Variants in CTC1 observed in about 807,000 individuals in gnomAD.
CTC1 encodes the protein CST telomere replication complex component 1.
Under a neutral mutation model 136.3 loss-of-function variants are expected in CTC1, and 91 were observed. The ratio of observed to expected loss-of-function variants is 0.67; its 90% CI spans 0.56 to 0.79. The LOEUF is 0.79. CTC1 is among the 30% of genes least tolerant of loss of function. CTC1 has a pLI of 0.00. For missense variants in CTC1, 1,432 were observed against 1,498.1 expected (o/e 0.96, Z 0.73); for synonymous variants, 606 against 613.8 (o/e 0.99, Z 0.19).
At chr17:8,230,168 G>C (rs1987090000) in intron 17 of CTC1, 126 bp downstream of exon 17, 1 of 1,075,664 alleles carries the variant, frequency 9.3e-7, no homozygotes. Context: ...GGGCACAAAT[G>C]GCAGACTGAT....
Position 8,234,765 on chromosome 17 carries a change from T to C in CTC1, c.1601A>G (p.His534Arg). The change falls in exon 9 of 23, where the codon CAC becomes CGC. Residue 534 changes from histidine to arginine, a missense_variant. His to Arg is a conservative substitution (Grantham distance 29). Coordinates refer to ENST00000651323, the MANE Select transcript of CTC1 (RefSeq NM_025099.6). The stretch of plus-strand genomic sequence containing the variant: ...TCCTCATACTTTCTGGAGGGGACAG[T>C]GATGTGGCTCTTCAAGGATCTCATT... ...AHNEILEEPH[H>R]CPLQKYTRLQ... is the part of the protein sequence containing the mutation. 6.3e-7 allele frequency: 1 copy of C among 1,597,762 alleles called. No homozygotes were observed. The highest frequency in any genetic ancestry group is 8.5e-7 in the Non-Finnish European group (1 of 1,171,112).
At position 8,229,202 on chromosome 17, in the gene CTC1, T is replaced by C. The variant is rs763333589; in HGVS notation, c.3161A>G (p.Lys1054Arg). 1 of 1,614,202 alleles carries C rather than the reference T, an allele frequency of 6.2e-7. No homozygotes were observed. The highest frequency in any genetic ancestry group is 1.1e-5 in the South Asian group (1 of 91,070). ...GCAAGTGGAGCCCAGGCGAGTGCAC[T>C]TTCCCTGGGATGAAGACAGTGGTTG... ...AYCTSICRQGKCTRLGSTCPT... is the reference protein window; with the variant it reads ...AYCTSICRQGRCTRLGSTCPT... Residue 1054 changes from lysine (K) to arginine (R), a missense_variant, in exon 20 of 23, where the codon AAG becomes AGG. Transcript: ENST00000651323.
At chr17:8,230,218 A>C (rs925329630) in intron 17 of CTC1, 76 bp downstream of exon 17, 4 of 1,451,582 alleles carry the variant, frequency 2.8e-6, no homozygotes, top group Non-Finnish European at 3.8e-6. Flanking sequence ...TCGCTGCAGC[A>C]AAGTTAAGCA....
chr17:8,230,797 G>A, intron 15 of CTC1, 146 bp from the exon 16 acceptor site: 4 of 669,022 alleles, frequency 6.0e-6, no homozygotes, highest in Non-Finnish European at 1.1e-5. Flanking sequence ...CTGCCACACT[G>A]CACACTAAGA....
At position 8,235,059 on chromosome 17, in the gene CTC1, G is replaced by A. The variant is rs1987586523; in HGVS notation, c.1433C>T (p.Ala478Val). The A allele has an allele frequency of 6.2e-7, 1 of 1,613,806 alleles. No homozygotes were observed. Among genetic ancestry groups the A allele is most frequent in the Non-Finnish European group, 8.5e-7 (1 of 1,179,902 alleles). Residue 478 changes from alanine to valine, a missense_variant, in exon 8 of 23, where the codon GCC becomes GTC. By Grantham distance (64) the Ala-to-Val change is moderately conservative. Transcript: ENST00000651323. ...LWATKALEEL[A>V]CKLCPHVLRH... ...GGGCCCTCAGCCTCCTCACTTGCAG[G>A]CCAGCTCCTCCAGGGCCTTGGTAGC...
rs763836924 is a variant in CTC1 at position 8,226,266 on chromosome 17, C to G, written c.*1914G>C. 1.3e-5 allele frequency: 2 copies of G among 152,288 alleles called. No individual in the cohort carries two copies. Among genetic ancestry groups the G allele is most frequent in the Non-Finnish European group, 2.9e-5 (2 of 68,036 alleles). The allele number at this position is 152,288 out of a possible 1,614,324, so 9.4% of individuals were successfully genotyped here. A position where few individuals can be genotyped will look rare whatever the true frequency, so the allele number is the denominator to read the frequency against. On this transcript the variant is annotated 3_prime_UTR_variant, in exon 23 of 23. Transcript: ENST00000651323. ...CGCTGGGATTCGAACCCAGGATCTCCTGTTTACTAGACAGGCGCTTTAACC... is the reference window on the plus strand; with the variant it reads ...CGCTGGGATTCGAACCCAGGATCTCGTGTTTACTAGACAGGCGCTTTAACC...
intron 17 of CTC1, 140 bp from the exon 18 acceptor site, chr17:8,230,108 G>A: frequency 1.0e-6 from 1 of 987,832 alleles, no homozygotes; most frequent in Non-Finnish European, 1.5e-6. Context: ...CAAAGCTAGG[G>A]GAAGACTAGG....
intron 2 of CTC1, 86 bp downstream of exon 2, chr17:8,242,899 C>T (rs1462035396): frequency 7.6e-7 from 1 of 1,315,238 alleles, no homozygotes; most frequent in Admixed American, 2.5e-5. Context: ...CTCACTTGCC[C>T]TTTTTCTAAT....
Position 8,238,569 on chromosome 17 carries a change from C to A in CTC1, c.258G>T (p.Ser86=), listed in dbSNP as rs369789111. The A allele has an allele frequency of 3.7e-6, 6 of 1,613,984 alleles. No individual in the cohort carries two copies. Among genetic ancestry groups the A allele is most frequent in the Non-Finnish European group, 4.2e-6 (5 of 1,179,930 alleles). Residue 86 remains serine (S), a synonymous_variant, in exon 3 of 23, where the codon TCG becomes TCT. Transcript: ENST00000651323. ...AGGCCTGGTATGCACTACTGCTCCACGACAGGTGGCTGCAGCATGGGAGAC... is the reference window on the plus strand; with the variant it reads ...AGGCCTGGTATGCACTACTGCTCCAAGACAGGTGGCTGCAGCATGGGAGAC... ...HQRLPCCSHL[S]WSSSAYQAWA...
intron 2 of CTC1, among the ~76,000 whole-genome samples, chr17:8,239,405 G>C (rs1370631076): frequency 1.3e-5 from 2 of 152,278 alleles, no homozygotes; most frequent in African/African-American, 4.8e-5. Flanking sequence ...TAGAGACTAG[G>C]GGGGAAGCTG....
At chr17:8,235,790 T>C in intron 7 of CTC1, 41 bp downstream of exon 7, 1 of 1,551,038 alleles carries the variant, frequency 6.4e-7, no homozygotes, top group Non-Finnish European at 8.7e-7. Flanking sequence ...TAAGAGAAGC[T>C]GCAGAGGTCT....
At chr17:8,231,057 T>G in intron 15 of CTC1, 1 of 504,834 alleles carries the variant, frequency 2.0e-6, no homozygotes, top group African/African-American at 1.9e-5. Flanking sequence ...AGGATAATCC[T>G]TCGAACCAGG....
intron 1 of CTC1, among the ~76,000 whole-genome samples, chr17:8,246,457 T>C (rs1159500202): frequency 6.6e-6 from 1 of 152,166 alleles, no homozygotes; most frequent in Non-Finnish European, 1.5e-5. Context: ...AACACTGAAC[T>C]TTCCACAAAA....
Position 8,234,886 on chromosome 17 carries a change from G to A in CTC1, c.1480C>T (p.His494Tyr), listed in dbSNP as rs759036446. ...HVLRHHQFLQ[H>Y]SSPGSPSLGL... is the part of the protein sequence containing the mutation. ...AGGCTGGGGCTCCCAGGAGAGGAATGTTGCAGGAACTGGTGGTGTCTCAGC... is the reference window on the plus strand; with the variant it reads ...AGGCTGGGGCTCCCAGGAGAGGAATATTGCAGGAACTGGTGGTGTCTCAGC... Residue 494 changes from histidine (H) to tyrosine (Y), a missense_variant, in exon 9 of 23, where the codon CAT becomes TAT. His to Tyr is a moderately conservative substitution (Grantham distance 83). Coordinates refer to ENST00000651323, the MANE Select transcript of CTC1 (RefSeq NM_025099.6). 1.2e-6 allele frequency: 2 copies of A among 1,610,626 alleles called. No homozygotes were observed. Among genetic ancestry groups the A allele is most frequent in the Admixed American group, 3.4e-5 (2 of 59,532 alleles).
Position 8,238,075 on chromosome 17 carries a change from G to A in CTC1, c.603C>T (p.Ile201=). The part of the protein sequence containing the change: ...LTISPGPVTP[I]PVLYPESASC... The stretch of plus-strand genomic sequence containing the variant: ...AAGCACTCTCTGGGTAGAGGACAGG[G>A]ATAGGCGTGACGGGGCCAGGACTGA... Residue 201 remains isoleucine, a synonymous_variant, in exon 4 of 23, where the codon ATC becomes ATT. Coordinates refer to ENST00000651323, the MANE Select transcript of CTC1 (RefSeq NM_025099.6). 3.7e-6 allele frequency: 6 copies of A among 1,614,164 alleles called. No homozygotes were observed. Among genetic ancestry groups the A allele is most frequent in the Non-Finnish European group, 5.1e-6 (6 of 1,180,028 alleles).
In CTC1 at chr17:8,226,221, T is replaced by C. The variant is rs891660367; in HGVS notation, c.*1959A>G. 2.2e-4 allele frequency: 33 copies of C among 152,330 alleles called. No homozygotes were observed. Among genetic ancestry groups the C allele is most frequent in the African/African-American group, 7.7e-4 (32 of 41,540 alleles). 9.4% of individuals were successfully genotyped at this position (152,330 alleles called of 1,614,324 possible). On this transcript the variant is annotated 3_prime_UTR_variant, in exon 23 of 23. Transcript: ENST00000651323. ...TGGATTTAGCCGCAAAATCACGCTG[T>C]TTCAATTGAATAAAGGCACCGCTGG... is the stretch of plus-strand genomic sequence containing the variant.
chr17:8,235,383 G>A lies in CTC1; in HGVS notation c.1207-98C>T. ...GCACTTTGCCACTGCCTGGGTTCCA[G>A]GAAGACGGAAAGCAATTTCTCCCAC... On this transcript the variant is annotated intron_variant, in intron 7 of 22. Coordinates refer to ENST00000651323, the MANE Select transcript of CTC1 (RefSeq NM_025099.6). 3 of 895,108 alleles carry A rather than the reference G, an allele frequency of 3.4e-6. No homozygotes were observed. In the East Asian group the frequency reaches 7.6e-5, roughly 23 times the overall value. The allele number at this position is 895,108 out of a possible 1,614,324, so 55.4% of individuals were successfully genotyped here. A position where few individuals can be genotyped will look rare whatever the true frequency, so the allele number is the denominator to read the frequency against.
Position 8,230,658 on chromosome 17 carries a change from G to A in CTC1, c.2670-7C>T, listed in dbSNP as rs750034989. 18 of 1,613,244 alleles carry A rather than the reference G, an allele frequency of 1.1e-5. No individual in the cohort carries two copies. Among genetic ancestry groups the A allele is most frequent in the Middle Eastern group, 1.6e-4 (1 of 6,084 alleles). The stretch of plus-strand genomic sequence containing the variant: ...CACCAAGGAATCTGTGAAACTGGAA[G>A]GTCAGGGAAATACACTGAGAATGGA... On this transcript the variant is annotated splice_polypyrimidine_tract_variant and splice_region_variant and intron_variant, in intron 15 of 22. Coordinates refer to ENST00000651323, the MANE Select transcript of CTC1 (RefSeq NM_025099.6).
chr17:8,236,182 A>G lies in CTC1; in HGVS notation c.953T>C (p.Leu318Pro). ...LLLKPECVQE[L>P]ELELEGPLLE... ...GAGGGGTCCTTCCAGCTCCAGTTCC[A>G]GCTCCTGCACACATTCTGGTTTCAG... Residue 318 changes from leucine to proline, a missense_variant, in exon 6 of 23, where the codon CTG becomes CCG. Leu to Pro is a moderately conservative substitution (Grantham distance 98, BLOSUM62 -3). Transcript: ENST00000651323. The G allele has an allele frequency of 1.2e-6, 2 of 1,614,166 alleles. No individual in the cohort carries two copies. Among genetic ancestry groups the G allele is most frequent in the Non-Finnish European group, 1.7e-6 (2 of 1,180,022 alleles).
Sources: gnomAD v4.1 joint callset for allele counts (sites outside exome capture counted in the v4.1 genomes callset) on GRCh38, gnomAD v4.1.1 for gene constraint, MANE v1.5 for transcripts, NCBI Gene and HGNC (gene_info 2026-07-23, HGNC 2026-07-21) for gene names.